CAMK4: variants seen among roughly 807,000 people sequenced by gnomAD.
The protein encoded by CAMK4 is calcium/calmodulin-dependent protein kinase type IV.
CAMK4 carries 22 observed loss-of-function variants against 44.9 expected under a neutral mutation model. The observed-to-expected ratio is 0.49, with a 90% CI of 0.35 to 0.70. The LOEUF is 0.70. Ranked by LOEUF, CAMK4 falls within the 30% of genes least tolerant of loss-of-function variation. The probability of loss-of-function intolerance (pLI) is 0.01; values close to 1 mark genes in which losing one functional copy is unlikely to be tolerated. For synonymous variants in CAMK4, 218 were observed against 215.4 expected (o/e 1.01, Z -0.11); for missense variants, 498 against 586.8 (o/e 0.85, Z 1.56).
intron 2 of CAMK4, among the ~76,000 whole-genome samples, chr5:111,356,288 G>A (rs1431379826): frequency 6.6e-6 from 1 of 151,508 alleles, no homozygotes; most frequent in African/African-American, 2.4e-5. Flanking sequence ...TCTTTTGGCT[G>A]CATAAATGTC....
intron 5 of CAMK4, among the ~76,000 whole-genome samples, chr5:111,418,216 C>T (rs1020591216): frequency 3.9e-5 from 6 of 152,084 alleles, no homozygotes; most frequent in African/African-American, 1.4e-4. Context: ...TTCCGTGATG[C>T]CCCACAAGCT....
chr5:111,373,577 C>A (rs964617671), intron 2 of CAMK4, among the ~76,000 whole-genome samples: 6 of 152,082 alleles, frequency 3.9e-5, no homozygotes, highest in Non-Finnish European at 7.3e-5. Context: ...TCTCTGTCGT[C>A]TTGAAAGTTG....
At position 111,486,511 on chromosome 5, in the gene CAMK4, A is replaced by ACG; in HGVS notation, c.*2046_*2047insGC. On this transcript the variant is annotated 3_prime_UTR_variant, in exon 11 of 11. Coordinates refer to ENST00000282356, the MANE Select transcript of CAMK4 (RefSeq NM_001744.6). ...TACCATGAGACTGAAACACACACAC[A>ACG]CACACACACACACACACACACACAC... 8.9e-6 allele frequency: 1 copy of ACG among 112,280 alleles called. No homozygotes were observed. The highest frequency in any genetic ancestry group is 9.5e-5 in the Admixed American group (1 of 10,474). 7.0% of individuals were successfully genotyped at this position (112,280 alleles called of 1,614,324 possible). A position where few individuals can be genotyped will look rare whatever the true frequency, so the allele number is the denominator to read the frequency against.
At chr5:111,308,762 T>G (rs1748057548) in intron 1 of CAMK4, among the ~76,000 whole-genome samples, 1 of 152,230 alleles carries the variant, frequency 6.6e-6, no homozygotes, top group South Asian at 2.1e-4. Context: ...AAATACTGAA[T>G]TCGTTAAAAG....
In CAMK4 at chr5:111,433,951, A is replaced by T. The variant is rs1258029728; in HGVS notation, c.460-12735A>T. ...AATGATTGACATGAGTTAATTTGTGATTTAGAAAGATGACCTGGTGTTTGG... is the reference window on the plus strand; with the variant it reads ...AATGATTGACATGAGTTAATTTGTGTTTTAGAAAGATGACCTGGTGTTTGG... On this transcript the variant is annotated intron_variant, in intron 5 of 10. Transcript: ENST00000282356. 2.6e-5 allele frequency among the ~76,000 whole-genome samples: 4 copies of T among 152,272 alleles called. No homozygotes were observed. In the East Asian group the frequency reaches 7.7e-4, roughly 29 times the overall value.
At chr5:111,461,217 T>C (rs1754630996) in intron 7 of CAMK4, among the ~76,000 whole-genome samples, 1 of 152,120 alleles carries the variant, frequency 6.6e-6, no homozygotes, top group Non-Finnish European at 1.5e-5. Flanking sequence ...AAGCCCCAAA[T>C]ACGTTCTCAG....
intron 1 of CAMK4, among the ~76,000 whole-genome samples, chr5:111,252,756 A>T (rs1749562970): frequency 6.6e-6 from 1 of 152,240 alleles, no homozygotes; most frequent in African/African-American, 2.4e-5. Context: ...TGGAGAAATT[A>T]TTTTATCCGT....
chr5:111,333,335 GA>G (rs1298938405), intron 1 of CAMK4, among the ~76,000 whole-genome samples: 1 of 151,568 alleles, frequency 6.6e-6, no homozygotes, highest in African/African-American at 2.4e-5. Flanking sequence ...AGAAAAAAAG[GA>G]AAATAAACTT....
Position 111,377,998 on chromosome 5 carries a change from C to T in CAMK4, c.386+1056C>T, listed in dbSNP as rs545583599. 5.3e-5 allele frequency among the ~76,000 whole-genome samples: 8 copies of T among 152,170 alleles called. No homozygotes were observed. In the South Asian group the frequency reaches 8.3e-4, roughly 16 times the overall value. Reference sequence around the variant, plus strand: ...TTGAATGCGTTGAGAGAGGAACACTCCTTCACTTTTGCCAGGGTCTGAATG... The same window carrying T: ...TTGAATGCGTTGAGAGAGGAACACTTCTTCACTTTTGCCAGGGTCTGAATG... On this transcript the variant is annotated intron_variant, in intron 4 of 10. Coordinates refer to ENST00000282356, the MANE Select transcript of CAMK4 (RefSeq NM_001744.6).
intron 4 of CAMK4, among the ~76,000 whole-genome samples, chr5:111,385,235 A>G (rs1751556298): frequency 6.6e-6 from 1 of 152,118 alleles, no homozygotes; most frequent in African/African-American, 2.4e-5. Flanking sequence ...CTAAGTATTC[A>G]TGTGGGGATG....
Position 111,484,597 on chromosome 5 carries a change from C to A in CAMK4, c.*131C>A. The A allele has an allele frequency of 4.1e-6, 2 of 484,820 alleles. No individual in the cohort carries two copies. Among genetic ancestry groups the A allele is most frequent in the East Asian group, 3.3e-5 (1 of 29,936 alleles). 30.0% of individuals were successfully genotyped at this position (484,820 alleles called of 1,614,324 possible). On this transcript the variant is annotated 3_prime_UTR_variant, in exon 11 of 11. Coordinates refer to ENST00000282356, the MANE Select transcript of CAMK4 (RefSeq NM_001744.6). This position sits in a 1 kb window ranked among gnomAD's most constrained non-coding sequence, Gnocchi z 5.3. The stretch of plus-strand genomic sequence containing the variant: ...GAGGTGCAAAAAACATACATATATA[C>A]CAGTTGGTAATTCTAACTTCAATGC...
At chr5:111,238,550 T>G (rs1748841669) in intron 1 of CAMK4, among the ~76,000 whole-genome samples, 1 of 150,904 alleles carries the variant, frequency 6.6e-6, no homozygotes, top group African/African-American at 2.4e-5. Context: ...AAAAAATGTT[T>G]TTTTTTTTTA....
chr5:111,416,639 A>G (rs1278645488), intron 5 of CAMK4: 1 of 152,190 alleles, frequency 6.6e-6, no homozygotes, highest in Non-Finnish European at 1.5e-5. Flanking sequence ...TATAAAGTAG[A>G]AATAATAAGG....
chr5:111,286,913 C>T (rs542046834), intron 1 of CAMK4, among the ~76,000 whole-genome samples: 2 of 152,068 alleles, frequency 1.3e-5, no homozygotes, highest in Non-Finnish European at 2.9e-5. Flanking sequence ...TAGACAAGTT[C>T]ATTTCTTCTT....
At chr5:111,432,232 T>C (rs1045911391) in intron 5 of CAMK4, among the ~76,000 whole-genome samples, 6 of 152,146 alleles carry the variant, frequency 3.9e-5, no homozygotes, top group Admixed American at 2.0e-4. Context: ...GATTATTTTG[T>C]TAATGAAATA....
chr5:111,313,350 T>C (rs1483532746), intron 1 of CAMK4, among the ~76,000 whole-genome samples: 1 of 152,186 alleles, frequency 6.6e-6, no homozygotes, highest in Non-Finnish European at 1.5e-5. Context: ...AAACTTGAGA[T>C]GTTTTTTCCC....
At chr5:111,355,009 A>G (rs998845917) in intron 2 of CAMK4, among the ~76,000 whole-genome samples, 2 of 152,120 alleles carry the variant, frequency 1.3e-5, no homozygotes, top group Non-Finnish European at 2.9e-5. Context: ...CATCTATTGT[A>G]TGCTGCTATT....
Position 111,294,630 on chromosome 5 carries a change from TG to T in CAMK4, c.162-49393del, listed in dbSNP as rs1232488181. On this transcript the variant is annotated intron_variant, in intron 1 of 10. Coordinates refer to ENST00000282356, the MANE Select transcript of CAMK4 (RefSeq NM_001744.6). ...ACTGTCTAAACTATGAAGACACAAC[TG>T]ATGCACATGTTCTGTATTCTGTTTC... 5.9e-5 allele frequency among the ~76,000 whole-genome samples: 9 copies of T among 152,132 alleles called. 1 individual carries two copies. The highest frequency in any genetic ancestry group is 5.9e-4 in the Admixed American group (9 of 15,278).
At chr5:111,346,482 T>TATC (rs1554063397) in intron 2 of CAMK4, among the ~76,000 whole-genome samples, 2 of 149,918 alleles carry the variant, frequency 1.3e-5, no homozygotes, top group East Asian at 4.0e-4. Context: ...GCTTGAAACT[T>TATC]TATCTATCTA....
Sources: allele counts gnomAD v4.1 joint callset (sites outside exome capture counted in the v4.1 genomes callset), GRCh38; gene constraint gnomAD v4.1.1; non-coding constraint Gnocchi (gnomAD v3.1); transcripts MANE v1.5; gene names NCBI Gene and HGNC (gene_info 2026-07-23, HGNC 2026-07-21).